Variants in DNAJC3 observed in about 807,000 individuals in gnomAD.
DNAJC3 encodes dnaJ homolog subfamily C member 3.
Under a neutral mutation model 68.6 loss-of-function variants are expected in DNAJC3, and 38 were observed. That is an observed-to-expected ratio of 0.55 (90% CI 0.43 to 0.73). The LOEUF (loss-of-function observed/expected upper bound fraction) is 0.73. Among genes scored for constraint, DNAJC3 ranks in the 30% least tolerant of loss-of-function variants. DNAJC3 has a pLI of 0.00. For synonymous variants in DNAJC3, 203 were observed against 204.0 expected, an observed-to-expected ratio of 1.00 and a Z score of 0.04; for missense variants, 526 against 591.9, an observed-to-expected ratio of 0.89 and a Z score of 1.16.
At chr13:95,755,614 G>A (rs1014672519) in intron 4 of DNAJC3, among the ~76,000 whole-genome samples, 19 of 151,328 alleles carry the variant, frequency 1.3e-4, no homozygotes, top group African/African-American at 3.6e-4. Context: ...AAAATTAGCC[G>A]GGCATGGTGG....
intron 1 of DNAJC3, among the ~76,000 whole-genome samples, chr13:95,683,111 A>G (rs1879967439): frequency 6.6e-6 from 1 of 152,222 alleles, no homozygotes; most frequent in African/African-American, 2.4e-5. Context: ...GAAATGCAAA[A>G]TATAGGAAGA....
rs1883804612 is a variant in DNAJC3 at position 95,792,428 on chromosome 13, G to GTGTT, written c.*1400_*1403dup. ...TGTTTCTGCCTCAAAGCATTTTGAA[G>GTGTT]TGTTTTAACCATTAAAGGGTCTAAT... On this transcript the variant is annotated 3_prime_UTR_variant, in exon 12 of 12. Coordinates refer to ENST00000602402, the MANE Select transcript of DNAJC3 (RefSeq NM_006260.5). The GTGTT allele has an allele frequency of 6.6e-6, 1 of 152,188 alleles. No homozygotes were observed. The highest frequency in any genetic ancestry group is 2.4e-5 in the African/African-American group (1 of 41,458). The allele number at this position is 152,188 out of a possible 1,614,324, so 9.4% of individuals were successfully genotyped here. A position where few individuals can be genotyped will look rare whatever the true frequency, so the allele number is the denominator to read the frequency against.
At chr13:95,785,250 T>C (rs1486093861) in intron 9 of DNAJC3, among the ~76,000 whole-genome samples, 1 of 152,110 alleles carries the variant, frequency 6.6e-6, no homozygotes, top group Non-Finnish European at 1.5e-5. Flanking sequence ...ATTTTCTTTA[T>C]CACTGTCTTT....
intron 4 of DNAJC3, among the ~76,000 whole-genome samples, chr13:95,742,012 G>T (rs915429833): frequency 1.3e-5 from 2 of 152,182 alleles, no homozygotes; most frequent in Non-Finnish European, 2.9e-5. Flanking sequence ...AAGTGCTTGG[G>T]TGGAGGCAGC....
chr13:95,787,236 G>A lies in DNAJC3; in HGVS notation c.1357+81G>A, dbSNP rs1044633409. On this transcript the variant is annotated intron_variant, in intron 11 of 11. Transcript: ENST00000602402. ...GTGGAACATGTGGTGGGTTCTCCAC[G>A]TGGGGCTGTATAGGCAGTGACGGGT... 83 of 1,532,692 alleles carry A rather than the reference G, an allele frequency of 5.4e-5. 1 individual carries two copies. In the Middle Eastern group the frequency reaches 8.8e-4, roughly 16 times the overall value. 94.9% of individuals were successfully genotyped at this position (1,532,692 alleles called of 1,614,324 possible). A position where few individuals can be genotyped will look rare whatever the true frequency, so the allele number is the denominator to read the frequency against.
chr13:95,704,531 A>G (rs903519171), intron 1 of DNAJC3, among the ~76,000 whole-genome samples: 1 of 152,198 alleles, frequency 6.6e-6, no homozygotes, highest in Admixed American at 6.5e-5. Context: ...CTCTTTTGCT[A>G]TGAAGTGAAT....
At chr13:95,731,537 C>G (rs1881708315) in intron 4 of DNAJC3, among the ~76,000 whole-genome samples, 1 of 152,148 alleles carries the variant, frequency 6.6e-6, no homozygotes, top group Non-Finnish European at 1.5e-5. Flanking sequence ...AATGTTTTTA[C>G]TGTATCTTTT....
At chr13:95,732,706 T>G (rs753451204) in intron 4 of DNAJC3, among the ~76,000 whole-genome samples, 10 of 152,058 alleles carry the variant, frequency 6.6e-5, no homozygotes, top group Non-Finnish European at 1.3e-4. Flanking sequence ...TTTTTTTTCC[T>G]TCTACTAATT....
At chr13:95,790,252 C>T (rs1441301999) in intron 11 of DNAJC3, among the ~76,000 whole-genome samples, 1 of 152,198 alleles carries the variant, frequency 6.6e-6, no homozygotes, top group African/African-American at 2.4e-5. Flanking sequence ...AGGACATGAG[C>T]TCTTTCTTCC....
intron 1 of DNAJC3, among the ~76,000 whole-genome samples, chr13:95,704,851 G>GTGTTTTTTTTTTTTTTTTTTTTT (rs1555323371): frequency 1.3e-4 from 13 of 97,848 alleles, no homozygotes; most frequent in African/African-American, 7.2e-4. Flanking sequence ...GTGTGTGTGT[G>GTGTTTTTTTTTTTTTTTTTTTTT]TTTTTTTTTT....
intron 9 of DNAJC3, among the ~76,000 whole-genome samples, chr13:95,768,148 T>C (rs1883056620): frequency 6.6e-6 from 1 of 152,130 alleles, no homozygotes; most frequent in African/African-American, 2.4e-5. Flanking sequence ...ATATTTTCTT[T>C]GGAGTATGCC....
chr13:95,686,500 T>C (rs1411898634), intron 1 of DNAJC3, among the ~76,000 whole-genome samples: 1 of 152,250 alleles, frequency 6.6e-6, no homozygotes, highest in Non-Finnish European at 1.5e-5. Flanking sequence ...TCATAAGTTG[T>C]TTGCCTAGGC....
At chr13:95,767,105 T>C (rs1883013883) in intron 9 of DNAJC3, among the ~76,000 whole-genome samples, 1 of 152,244 alleles carries the variant, frequency 6.6e-6, no homozygotes, top group South Asian at 2.1e-4. Context: ...TATGCTCACA[T>C]TGCTGTGAAA....
At chr13:95,743,424 G>C (rs1172899958) in intron 4 of DNAJC3, among the ~76,000 whole-genome samples, 1 of 152,144 alleles carries the variant, frequency 6.6e-6, no homozygotes, top group Non-Finnish European at 1.5e-5. Context: ...GATTAGTGGC[G>C]GTTTGGCTGC....
intron 2 of DNAJC3, among the ~76,000 whole-genome samples, chr13:95,709,628 CTT>C (rs955053415): frequency 0.012 from 1,292 of 112,056 alleles, 7 homozygotes; most frequent in African/African-American, 0.044. Flanking sequence ...TGGCTTCTGA[CTT>C]TTTTTTTTTT....
intron 1 of DNAJC3, among the ~76,000 whole-genome samples, chr13:95,680,329 A>G (rs1053623555): frequency 2.0e-5 from 3 of 152,216 alleles, no homozygotes; most frequent in Non-Finnish European, 4.4e-5. Flanking sequence ...CCATGGGGAA[A>G]AGAATAGTTG....
chr13:95,709,890 C>T (rs1310013892), intron 2 of DNAJC3, among the ~76,000 whole-genome samples: 5 of 152,280 alleles, frequency 3.3e-5, no homozygotes, highest in Admixed American at 1.3e-4. Context: ...CCGCCCGCCT[C>T]GGCCTCCCAA....
chr13:95,680,377 GTGATAAGTTTTATTTGAACCA>G (rs1168307964), intron 1 of DNAJC3, among the ~76,000 whole-genome samples: 21 of 152,188 alleles, frequency 1.4e-4, no homozygotes, highest in Admixed American at 4.6e-4. Flanking sequence ...ATAAAATATT[GTGATAAGTTTTATTTGAACCA>G]TGATAAGTTT....
intron 3 of DNAJC3, 24 bp downstream of exon 3, chr13:95,723,390 A>G: frequency 6.2e-7 from 1 of 1,600,760 alleles, no homozygotes; most frequent in South Asian, 1.1e-5. Flanking sequence ...AACTTTCTTT[A>G]AAGGGGAACT....
Sources: gnomAD v4.1 joint callset for allele counts (sites outside exome capture counted in the v4.1 genomes callset) on GRCh38, gnomAD v4.1.1 for gene constraint, MANE v1.5 for transcripts, NCBI Gene and HGNC (gene_info 2026-07-23, HGNC 2026-07-21) for gene names.